NOS2: variants seen among roughly 807,000 people sequenced by gnomAD.
NOS2 encodes nitric oxide synthase 2, also known as nitric oxide synthase, inducible.
Under a neutral mutation model 136.0 loss-of-function variants are expected in NOS2, and 96 were observed. That is an observed-to-expected ratio of 0.71 (90% confidence interval 0.60 to 0.84). NOS2 has a LOEUF of 0.84. NOS2 is among the 40% of genes least tolerant of loss of function. The pLI, the probability that NOS2 is intolerant of heterozygous loss-of-function variation, is 0.00. For synonymous variants in NOS2, 539 were observed against 587.5 expected, an observed-to-expected ratio of 0.92 and a Z score of 1.20; for missense variants, 1,237 against 1,496.9, an observed-to-expected ratio of 0.83 and a Z score of 2.87.
At chr17:27,793,112 G>C (rs998128461) in intron 2 of NOS2, among the ~76,000 whole-genome samples, 1 of 151,436 alleles carries the variant, frequency 6.6e-6, no homozygotes, top group East Asian at 1.9e-4. Context: ...GGCTGACCTG[G>C]GGGCCAGATT....
rs1450946664 is a variant in NOS2 at position 27,761,159 on chromosome 17, G to A, written c.2873C>T (p.Pro958Leu). Residue 958 changes from proline to leucine, a missense_variant, in exon 23 of 27, where the codon CCC becomes CTC. Coordinates refer to ENST00000313735, the MANE Select transcript of NOS2 (RefSeq NM_000625.4). The stretch of plus-strand genomic sequence containing the variant: ...GGGTGCTTACTTCCGCACAAAGCAG[G>A]GCACTGGGTCTTGGGGCTTCAGGCT... ...LNSLKPQDPVPCFVRNASGFH... is the reference protein window; with the variant it reads ...LNSLKPQDPVLCFVRNASGFH... The A allele has an allele frequency of 1.9e-6, 3 of 1,604,332 alleles. No homozygotes were observed. The highest frequency in any genetic ancestry group is 2.6e-6 in the Non-Finnish European group (3 of 1,176,046).
rs761208262 is a variant in NOS2, at chr17:27,781,170, T to G, written c.730A>C (p.Ile244Leu). The G allele has an allele frequency of 6.2e-7, 1 of 1,606,950 alleles. No homozygotes were observed. The highest frequency in any genetic ancestry group is 1.1e-5 in the South Asian group (1 of 91,026). The change falls in exon 8 of 27, where the codon ATC (isoleucine) becomes CTC (leucine). Residue 244 changes from isoleucine to leucine, a missense_variant. Physicochemically the swap from Ile to Leu is conservative, Grantham distance 5. Transcript: ENST00000313735. ...STNNGNIRSA[I>L]TVFPQRSDGK... ...TCACTCCGCTGGGGGAACACGGTGA[T>G]GGCCGACCTTCCCAGGACAGGAACA...
In NOS2 at chr17:27,778,756, C is replaced by T; in HGVS notation, c.1215G>A (p.Lys405=). The change falls in exon 11 of 27, where the codon AAG becomes AAA. Residue 405 remains lysine (K), a synonymous_variant. Coordinates refer to ENST00000313735, the MANE Select transcript of NOS2 (RefSeq NM_000625.4). ...VGRRMGLETH[K]LASLWKDQAV... The stretch of plus-strand genomic sequence containing the variant: ...CCTGGTCTTTCCAGAGCGAGGCCAG[C>T]TTGTGCGTTTCCAGGCCCATTCTCC... The T allele has an allele frequency of 6.2e-7, 1 of 1,614,212 alleles. No individual in the cohort carries two copies. Among genetic ancestry groups the T allele is most frequent in the Non-Finnish European group, 8.5e-7 (1 of 1,180,032 alleles).
At chr17:27,791,790 A>T (rs1909200929) in intron 2 of NOS2, among the ~76,000 whole-genome samples, 24 of 151,020 alleles carry the variant, frequency 1.6e-4, no homozygotes, top group African/African-American at 5.9e-4. Flanking sequence ...AACAAAACAA[A>T]ACAAAACAAA....
At chr17:27,770,857 C>A in intron 15 of NOS2, 56 bp downstream of exon 15, 1 of 1,338,998 alleles carries the variant, frequency 7.5e-7, no homozygotes, top group Admixed American at 1.8e-5. Flanking sequence ...AGACCCTTTC[C>A]TGGGTCCTCC....
At chr17:27,793,616 T>TCG in intron 2 of NOS2, 1 of 397,576 alleles carries the variant, frequency 2.5e-6, no homozygotes, top group Non-Finnish European at 4.4e-6. Flanking sequence ...CAGTCAGGCT[T>TCG]CGGCCGGAGG....
intron 2 of NOS2, among the ~76,000 whole-genome samples, chr17:27,797,118 T>C (rs979041199): frequency 1.3e-5 from 2 of 152,222 alleles, no homozygotes; most frequent in Admixed American, 6.5e-5. Flanking sequence ...TTTCTGCCTC[T>C]GAGCCTCTGC....
In NOS2 at chr17:27,758,988, C is replaced by A. The variant is rs775310737; in HGVS notation, c.3247G>T (p.Gly1083Trp). 6.2e-7 allele frequency: 1 copy of A among 1,613,094 alleles called. No individual in the cohort carries two copies. The highest frequency in any genetic ancestry group is 8.5e-7 in the Non-Finnish European group (1 of 1,179,640). The change falls in exon 26 of 27, where the codon GGG becomes TGG. Residue 1083 changes from glycine to tryptophan, a missense_variant. Coordinates refer to ENST00000313735, the MANE Select transcript of NOS2 (RefSeq NM_000625.4). ...HKEPGHLYVC[G>W]DVRMARDVAH... is the part of the protein sequence containing the mutation. The stretch of plus-strand genomic sequence containing the variant: ...ACGTCCCGGGCCATGCGCACATCCC[C>A]GCAAACATAGAGGTGGCCTGGCTCC...
rs1908017568 is a variant in NOS2, at chr17:27,758,909, T to C, written c.3326A>G (p.Gln1109Arg). 4.4e-6 allele frequency: 7 copies of C among 1,608,834 alleles called. No homozygotes were observed. Among genetic ancestry groups the C allele is most frequent in the Non-Finnish European group, 5.1e-6 (6 of 1,177,684 alleles). The stretch of plus-strand genomic sequence containing the variant: ...GAGCTGAAAGAAATAGTCCTCGACC[T>C]GCTCCTCATTCAATTTCAGCTTGGC... ...VAAKLKLNEE[Q>R]VEDYFFQLKS... Residue 1109 changes from glutamine to arginine, a missense_variant, in exon 26 of 27, where the codon CAG becomes CGG. Around this residue, in one of 3 missense-constraint regions of NOS2, gnomAD observed 782 missense variants for 909.9 expected, o/e 0.86. Transcript: ENST00000313735.
chr17:27,798,177 C>G lies in NOS2; in HGVS notation c.110+523G>C, dbSNP rs532188375. On this transcript the variant is annotated intron_variant, in intron 2 of 26. Transcript: ENST00000313735. Reference sequence around the variant, plus strand: ...GGGTTCCTCATACCACAGGTGAGCACTAAGTTTCAGAGAGGTTAACTTACC... The same window carrying G: ...GGGTTCCTCATACCACAGGTGAGCAGTAAGTTTCAGAGAGGTTAACTTACC... Among the ~76,000 whole-genome samples, 3 of 152,264 alleles carry G rather than the reference C, an allele frequency of 2.0e-5. No individual in the cohort carries two copies. In the South Asian group the frequency reaches 6.2e-4, roughly 32 times the overall value.
intron 12 of NOS2, among the ~76,000 whole-genome samples, chr17:27,773,717 CT>C (rs1312074200): frequency 1.3e-5 from 2 of 152,180 alleles, no homozygotes; most frequent in African/African-American, 4.8e-5. Context: ...AACCCAAGTC[CT>C]TTTTGGCACA....
intron 18 of NOS2, among the ~76,000 whole-genome samples, chr17:27,767,476 T>C (rs1908342229): frequency 6.6e-6 from 1 of 152,250 alleles, no homozygotes; most frequent in Admixed American, 6.5e-5. Context: ...AGTAGGCCCT[T>C]GGCGGATGCT....
intron 15 of NOS2, among the ~76,000 whole-genome samples, chr17:27,770,485 T>C (rs941143132): frequency 3.3e-5 from 5 of 151,834 alleles, no homozygotes; most frequent in African/African-American, 1.2e-4. Context: ...AAACTCCACC[T>C]AAGTAAATAA....
In NOS2 at chr17:27,773,156, C is replaced by G; in HGVS notation, c.1559+5G>C. On this transcript the variant is annotated splice_donor_5th_base_variant and intron_variant, in intron 13 of 26. Coordinates refer to ENST00000313735, the MANE Select transcript of NOS2 (RefSeq NM_000625.4). ...TCACTACTAGCCACTGCCACTGCCACTCACTTGACCAAGACTTTCAATGGA... is the reference window on the plus strand; with the variant it reads ...TCACTACTAGCCACTGCCACTGCCAGTCACTTGACCAAGACTTTCAATGGA... The G allele has an allele frequency of 6.2e-7, 1 of 1,611,668 alleles. No individual in the cohort carries two copies. Among genetic ancestry groups the G allele is most frequent in the Non-Finnish European group, 8.5e-7 (1 of 1,177,716 alleles).
intron 26 of NOS2, among the ~76,000 whole-genome samples, chr17:27,758,148 G>A (rs1166751952): frequency 6.6e-6 from 1 of 152,170 alleles, no homozygotes; most frequent in African/African-American, 2.4e-5. Flanking sequence ...TTCATTTACT[G>A]CTCTATCCCT....
In NOS2 at chr17:27,769,594, G is replaced by A. The variant is rs1908423182; in HGVS notation, c.1810-10C>T. The A allele has an allele frequency of 6.2e-7, 1 of 1,609,872 alleles. No homozygotes were observed. The stretch of plus-strand genomic sequence containing the variant: ...GCGATTTCTTCAGTTTCTAGAAAGA[G>A]AGGGAATGACAGAGTTCTCAAGCCA... On this transcript the variant is annotated splice_polypyrimidine_tract_variant and intron_variant, in intron 15 of 26. Transcript: ENST00000313735.
At chr17:27,782,793 C>G (rs1908893109) in intron 6 of NOS2, 151 bp downstream of exon 6, 2 of 710,414 alleles carry the variant, frequency 2.8e-6, no homozygotes, top group Non-Finnish European at 4.6e-6. Flanking sequence ...CCTAGGTGCC[C>G]CATCTCAACA....
At chr17:27,760,786 C>T in intron 23 of NOS2, 42 bp from the exon 24 acceptor site, 1 of 1,535,206 alleles carries the variant, frequency 6.5e-7, no homozygotes, top group Non-Finnish European at 8.8e-7. Context: ...CTCAGACACC[C>T]CAGGCCCACG....
Position 27,765,716 on chromosome 17 carries a change from GC to G in NOS2, c.2247-1del, listed in dbSNP as rs761708816. 1 of 1,596,882 alleles carries G rather than the reference GC, an allele frequency of 6.3e-7. No individual in the cohort carries two copies. Among genetic ancestry groups the G allele is most frequent in the Admixed American group, 1.7e-5 (1 of 57,438 alleles). ...AGAGTTCCACCAGGATGGTGGCACG[GC>G]TGGGGAAGGAAAATGAAGCCTCAGG... is the stretch of plus-strand genomic sequence containing the variant. On this transcript the variant is annotated splice_acceptor_variant, in intron 19 of 26. Coordinates refer to ENST00000313735, the MANE Select transcript of NOS2 (RefSeq NM_000625.4). LOFTEE classifies it high-confidence loss of function.
Sources: gnomAD v4.1 joint callset for allele counts (sites outside exome capture counted in the v4.1 genomes callset) on GRCh38, gnomAD v4.1.1 for gene constraint, gnomAD v4.1.1 regional missense constraint, MANE v1.5 for transcripts, NCBI Gene and HGNC (gene_info 2026-07-23, HGNC 2026-07-21) for gene names.